The following TRPC4AP variants were observed in gnomAD, a reference collection of about 807,000 sequenced individuals.
TRPC4AP encodes the protein short transient receptor potential channel 4-associated protein.
A neutral mutation model predicts 99.0 loss-of-function variants in TRPC4AP; 45 were observed. That is an observed-to-expected ratio of 0.45 (90% CI 0.36 to 0.58). The LOEUF (loss-of-function observed/expected upper bound fraction) is 0.58. Ranked by LOEUF, TRPC4AP falls within the 20% of genes least tolerant of loss-of-function variation. TRPC4AP has a pLI of 0.00. For missense variants in TRPC4AP, 879 were observed against 985.3 expected (o/e 0.89, Z 1.44); for synonymous variants, 408 against 385.8 (o/e 1.06, Z -0.67).
intron 1 of TRPC4AP, among the ~76,000 whole-genome samples, chr20:35,082,415 C>T (rs2084671336): frequency 6.6e-6 from 1 of 152,082 alleles, no homozygotes; most frequent in South Asian, 2.1e-4. Context: ...TGTTCCACAT[C>T]AGAAAGATAG....
At chr20:35,042,021 T>C (rs984555547) in intron 7 of TRPC4AP, among the ~76,000 whole-genome samples, 11 of 152,258 alleles carry the variant, frequency 7.2e-5, no homozygotes, top group African/African-American at 2.4e-4. Flanking sequence ...TCACTTTTTT[T>C]AAAATTATAC....
intron 1 of TRPC4AP, among the ~76,000 whole-genome samples, chr20:35,085,837 A>C (rs1382406747): frequency 6.6e-6 from 1 of 152,154 alleles, no homozygotes; most frequent in South Asian, 2.1e-4. Context: ...CTAGACATTT[A>C]CAGTTTCCAC....
intron 8 of TRPC4AP, 105 bp from the exon 9 acceptor site, chr20:35,021,461 G>A (rs2082888243): frequency 6.1e-6 from 8 of 1,316,166 alleles, no homozygotes; most frequent in Non-Finnish European, 8.2e-6. Flanking sequence ...CATTCGGCTG[G>A]GCCATGAGCC....
At chr20:35,011,998 G>C (rs958017420) in intron 11 of TRPC4AP, among the ~76,000 whole-genome samples, 1 of 152,216 alleles carries the variant, frequency 6.6e-6, no homozygotes, top group African/African-American at 2.4e-5. Context: ...CTTCATGAGA[G>C]CAGGGGCCAT....
rs1020252411 is a variant in TRPC4AP, at chr20:35,002,623, G to A, written c.*523C>T. 2.3e-5 allele frequency: 4 copies of A among 174,596 alleles called. No homozygotes were observed. Among genetic ancestry groups the A allele is most frequent in the Non-Finnish European group, 4.8e-5 (4 of 83,016 alleles). 10.8% of individuals were successfully genotyped at this position (174,596 alleles called of 1,614,324 possible). A position where few individuals can be genotyped will look rare whatever the true frequency, so the allele number is the denominator to read the frequency against. On this transcript the variant is annotated 3_prime_UTR_variant, in exon 19 of 19. Coordinates refer to ENST00000252015, the MANE Select transcript of TRPC4AP (RefSeq NM_015638.3). Reference sequence around the variant, plus strand: ...CTTGGATGAACACAGCGGCCAATGAGCAAACAGAACCAGAGGAGCTACAGG... The same window carrying A: ...CTTGGATGAACACAGCGGCCAATGAACAAACAGAACCAGAGGAGCTACAGG...
rs374618620 is a variant in TRPC4AP at position 35,077,469 on chromosome 20, A to G, written c.297+577T>C. Among the ~76,000 whole-genome samples, 4 of 152,210 alleles carry G rather than the reference A, an allele frequency of 2.6e-5. No homozygotes were observed. In the South Asian group the frequency reaches 6.2e-4, roughly 24 times the overall value. On this transcript the variant is annotated intron_variant, in intron 2 of 18. Coordinates refer to ENST00000252015, the MANE Select transcript of TRPC4AP (RefSeq NM_015638.3). ...TCAAATTTAGATCCAAACTACAGCT[A>G]AAGTTTAGATACTCCAGCCCTACTG...
chr20:35,079,747 G>A (rs1273712586), intron 1 of TRPC4AP, among the ~76,000 whole-genome samples: 6 of 152,018 alleles, frequency 3.9e-5, no homozygotes, highest in African/African-American at 1.2e-4. Flanking sequence ...ATTATGAACC[G>A]TTTGCCCCAA....
intron 11 of TRPC4AP, among the ~76,000 whole-genome samples, chr20:35,012,555 A>C (rs983910242): frequency 2.8e-4 from 42 of 152,262 alleles, no homozygotes; most frequent in Non-Finnish European, 1.3e-4. Context: ...AGGTTAAAAA[A>C]TAAATGAGCG....
chr20:35,075,180 T>C (rs1284288025), intron 2 of TRPC4AP, among the ~76,000 whole-genome samples: 3 of 152,192 alleles, frequency 2.0e-5, no homozygotes, highest in Admixed American at 6.5e-5. Flanking sequence ...GTCTCCTGAA[T>C]ACAGCACGCT....
intron 11 of TRPC4AP, among the ~76,000 whole-genome samples, chr20:35,011,241 A>T (rs1169529443): frequency 3.3e-5 from 5 of 152,222 alleles, no homozygotes; most frequent in African/African-American, 1.2e-4. Context: ...TGGGCAATAG[A>T]GCAAGATTCC....
At chr20:35,080,116 A>T (rs2146021675) in intron 1 of TRPC4AP, among the ~76,000 whole-genome samples, 1 of 152,208 alleles carries the variant, frequency 6.6e-6, no homozygotes, top group Middle Eastern at 3.4e-3. Flanking sequence ...CATCCAATGG[A>T]ATATTATTCA....
chr20:35,057,708 T>G, intron 3 of TRPC4AP, 137 bp from the exon 4 acceptor site: 1 of 640,010 alleles, frequency 1.6e-6, no homozygotes, highest in Non-Finnish European at 2.6e-6. Context: ...CAGTTAAGGT[T>G]CAGTAAGGCT....
chr20:35,091,642 G>A (rs190367142), intron 1 of TRPC4AP, among the ~76,000 whole-genome samples: 1 of 152,166 alleles, frequency 6.6e-6, no homozygotes, highest in African/African-American at 2.4e-5. Context: ...GGGGGAGGGT[G>A]GAAGAAGTAG....
At chr20:35,039,031 C>G (rs1158259879) in intron 7 of TRPC4AP, among the ~76,000 whole-genome samples, 3 of 152,172 alleles carry the variant, frequency 2.0e-5, no homozygotes, top group Non-Finnish European at 4.4e-5. Context: ...CAAGATTGTG[C>G]CACTACACTC....
At chr20:35,054,692 T>C (rs2083784945) in intron 5 of TRPC4AP, among the ~76,000 whole-genome samples, 1 of 152,164 alleles carries the variant, frequency 6.6e-6, no homozygotes. Flanking sequence ...TGCCAACACT[T>C]GTCACCTTTT....
chr20:35,079,435 GAAGA>G (rs2084568456), intron 1 of TRPC4AP, among the ~76,000 whole-genome samples: 1 of 152,020 alleles, frequency 6.6e-6, no homozygotes, highest in Non-Finnish European at 1.5e-5. Context: ...TAATAGAAAA[GAAGA>G]AATATCTATA....
At chr20:35,039,034 C>T (rs898847878) in intron 7 of TRPC4AP, among the ~76,000 whole-genome samples, 9 of 152,230 alleles carry the variant, frequency 5.9e-5, no homozygotes, top group African/African-American at 2.2e-4. Flanking sequence ...GATTGTGCCA[C>T]TACACTCCAG....
intron 2 of TRPC4AP, 140 bp from the exon 3 acceptor site, chr20:35,069,552 A>G (rs1314123482): frequency 1.6e-6 from 1 of 611,246 alleles, no homozygotes; most frequent in Non-Finnish European, 2.9e-6. Context: ...ACTTCCTAGT[A>G]TTCAGGCCCC....
chr20:35,059,453 A>G (rs571909629), intron 3 of TRPC4AP, among the ~76,000 whole-genome samples: 1 of 152,300 alleles, frequency 6.6e-6, no homozygotes, highest in Non-Finnish European at 1.5e-5. Flanking sequence ...TGAAGCCAGA[A>G]GATTGAGACC....
Sources: allele counts gnomAD v4.1 joint callset (sites outside exome capture counted in the v4.1 genomes callset), GRCh38; gene constraint gnomAD v4.1.1; transcripts MANE v1.5; gene names NCBI Gene and HGNC (gene_info 2026-07-23, HGNC 2026-07-21).